The following FANCB variants were observed in gnomAD, a reference collection of about 807,000 sequenced individuals.
FANCB encodes Fanconi anemia group B protein.
Under a neutral mutation model 38.9 loss-of-function variants are expected in FANCB, and 5 were observed. The observed-to-expected ratio is 0.13, with a 90% CI of 0.07 to 0.27. The LOEUF (loss-of-function observed/expected upper bound fraction) is 0.27. Ranked by LOEUF, FANCB falls within the 10% of genes least tolerant of loss-of-function variation. The pLI is 1.00. For synonymous variants in FANCB, 236 were observed against 215.4 expected (o/e 1.10, Z -0.84); for missense variants, 573 against 602.7 (o/e 0.95, Z 0.52).
chrX:14,757,780 TC>T, the FANCB span, among the ~76,000 whole-genome samples: 1 of 111,864 alleles, frequency 8.9e-6, no homozygotes, highest in Non-Finnish European at 1.9e-5. Flanking sequence ...GAAGAAAACT[TC>T]CAGCTGAACT....
chrX:14,792,916 T>C, the FANCB span, among the ~76,000 whole-genome samples: 1 of 111,849 alleles, frequency 8.9e-6, no homozygotes, highest in Non-Finnish European at 1.9e-5. Flanking sequence ...GTTTTCAATT[T>C]ATAGTTTTTT....
chrX:14,791,610 G>A, the FANCB span, among the ~76,000 whole-genome samples: 1 of 112,126 alleles, frequency 8.9e-6, no homozygotes, highest in African/African-American at 3.2e-5. Context: ...GATATTACAG[G>A]CAGGCAAGGG....
At chrX:14,757,376 T>C in the FANCB span, among the ~76,000 whole-genome samples, 1 of 111,707 alleles carries the variant, frequency 9.0e-6, no homozygotes, top group Non-Finnish European at 1.9e-5. Context: ...GACAGAGCAG[T>C]GTGTGGAGAC....
chrX:14,689,765 G>A, the FANCB span, among the ~76,000 whole-genome samples: 2 of 112,148 alleles, frequency 1.8e-5, no homozygotes, highest in African/African-American at 3.2e-5. Flanking sequence ...AGTTTAATAA[G>A]TATTCTTTGT....
chrX:14,816,043 G>GA, the FANCB span, among the ~76,000 whole-genome samples: 1 of 111,749 alleles, frequency 8.9e-6, no homozygotes, highest in African/African-American at 3.3e-5. Flanking sequence ...CGAGGGATGA[G>GA]AAATTACTTA....
At chrX:14,743,897 G>A in the FANCB span, among the ~76,000 whole-genome samples, 3 of 111,385 alleles carry the variant, frequency 2.7e-5, no homozygotes, top group South Asian at 3.8e-4. Context: ...TATTCTCTCT[G>A]TATGTCTGTC....
At chrX:14,695,576 G>T in the FANCB span, among the ~76,000 whole-genome samples, 2 of 112,108 alleles carry the variant, frequency 1.8e-5, no homozygotes, top group East Asian at 2.8e-4. Context: ...GCACAAAGAG[G>T]TTAAATAGCT....
the FANCB span, among the ~76,000 whole-genome samples, chrX:14,692,813 T>C: frequency 2.7e-5 from 3 of 112,019 alleles, no homozygotes; most frequent in Non-Finnish European, 5.6e-5. Flanking sequence ...ATTCTTAGAC[T>C]GTACCTGGGC....
the FANCB span, among the ~76,000 whole-genome samples, chrX:14,813,611 C>T: frequency 9.0e-6 from 1 of 111,546 alleles, no homozygotes; most frequent in Admixed American, 9.5e-5. Flanking sequence ...AGGAATCCAA[C>T]TTACAAGGGA....
the FANCB span, among the ~76,000 whole-genome samples, chrX:14,755,489 T>C: frequency 3.6e-5 from 4 of 111,750 alleles, no homozygotes; most frequent in Admixed American, 1.9e-4. Context: ...GTCAGTAACA[T>C]TTCTACGTAC....
Position 14,864,893 on chromosome X carries a change from T to G in FANCB, c.618A>C (p.Ala206=). The G allele has an allele frequency of 8.3e-7, 1 of 1,209,436 alleles. No homozygotes were observed. The change falls in exon 3 of 10, where the codon GCA becomes GCC. Residue 206 remains alanine (A), a synonymous_variant. Transcript: ENST00000650831. ...ATACACAAAATTTGGTATTCCAAATTGCATAATCTGATTTTGAAGGCTCTT... is the reference window on the plus strand; with the variant it reads ...ATACACAAAATTTGGTATTCCAAATGGCATAATCTGATTTTGAAGGCTCTT... The part of the protein sequence containing the change: ...CTQEPSKSDY[A]IWNTKFCVYS...
chrX:14,721,884 T>C, the FANCB span, among the ~76,000 whole-genome samples: 1 of 111,199 alleles, frequency 9.0e-6, no homozygotes, highest in Non-Finnish European at 1.9e-5. Context: ...GTTTATTAAG[T>C]ATATTTTCTA....
At chrX:14,846,383 A>C (rs1167762187) in intron 7 of FANCB, among the ~76,000 whole-genome samples, 1 of 111,852 alleles carries the variant, frequency 8.9e-6, no homozygotes, top group Non-Finnish European at 1.9e-5. Context: ...AGGATAAATA[A>C]GCACCTCTTG....
At chrX:14,757,938 G>GC in the FANCB span, among the ~76,000 whole-genome samples, 1 of 111,727 alleles carries the variant, frequency 9.0e-6, no homozygotes, top group South Asian at 3.8e-4. Context: ...TGCTTTCTCA[G>GC]CTGGGAGGCT....
the FANCB span, among the ~76,000 whole-genome samples, chrX:14,745,910 C>A: frequency 9.2e-6 from 1 of 108,669 alleles, no homozygotes; most frequent in Non-Finnish European, 1.9e-5. Context: ...CCGTGTTAGC[C>A]AGGATGGTCT....
chrX:14,707,432 T>C, the FANCB span, among the ~76,000 whole-genome samples: 6 of 111,578 alleles, frequency 5.4e-5, no homozygotes, highest in Non-Finnish European at 1.1e-4. Context: ...CCAATACTTA[T>C]GAAGTATTTC....
chrX:14,690,643 CT>C, the FANCB span: 31 of 784,842 alleles, frequency 3.9e-5, no homozygotes, highest in South Asian at 7.2e-4. Flanking sequence ...TCCTGGCAGG[CT>C]TTCATAGTCT....
chrX:14,868,820 T>C (rs2092482105), intron 2 of FANCB, 103 bp downstream of exon 2: 1 of 112,068 alleles, frequency 8.9e-6, no homozygotes, highest in Non-Finnish European at 1.9e-5. Context: ...CATTATACAA[T>C]ATATGTATGT....
At chrX:14,755,280 A>G in the FANCB span, among the ~76,000 whole-genome samples, 1 of 111,898 alleles carries the variant, frequency 8.9e-6, no homozygotes, top group African/African-American at 3.2e-5. Context: ...CAATCAACAT[A>G]GTACAGGGAT....
Sources: gnomAD v4.1 joint callset for allele counts (sites outside exome capture counted in the v4.1 genomes callset) on GRCh38, gnomAD v4.1.1 for gene constraint, MANE v1.5 for transcripts, NCBI Gene and HGNC (gene_info 2026-07-23, HGNC 2026-07-21) for gene names.